GSTA3: variants seen among roughly 807,000 people sequenced by gnomAD.
GSTA3 encodes the protein glutathione S-transferase A3.
GSTA3 carries 16 observed loss-of-function variants against 23.1 expected under a neutral mutation model. That is an observed-to-expected ratio of 0.69 (90% confidence interval 0.47 to 1.05). The LOEUF is 1.05. Among genes scored for constraint, GSTA3 ranks in the 50% least tolerant of loss-of-function variants. The pLI is 0.00. For synonymous variants in GSTA3, 122 were observed against 91.0 expected (o/e 1.34, Z -1.94); for missense variants, 319 against 263.6 (o/e 1.21, Z -1.46).
chr6:52,903,469 C>T (rs1258854942), intron 3 of GSTA3, among the ~76,000 whole-genome samples: 1 of 150,862 alleles, frequency 6.6e-6, no homozygotes, highest in Non-Finnish European at 1.5e-5. Context: ...TGGTGTCTGG[C>T]GCCTGTAGTC....
intron 3 of GSTA3, 58 bp from the exon 4 acceptor site, chr6:52,902,536 G>A: frequency 1.3e-6 from 2 of 1,500,008 alleles, no homozygotes; most frequent in Admixed American, 2.0e-5. Flanking sequence ...ACTATTTCAG[G>A]AAGAAAAATG....
intron 2 of GSTA3, among the ~76,000 whole-genome samples, chr6:52,904,281 C>A (rs1206944503): frequency 6.6e-6 from 1 of 152,112 alleles, no homozygotes. Context: ...TGACCCACTG[C>A]TCCTGGCCTG....
At chr6:52,904,085 C>A (rs1279270709) in intron 2 of GSTA3, among the ~76,000 whole-genome samples, 1 of 152,114 alleles carries the variant, frequency 6.6e-6, no homozygotes, top group Non-Finnish European at 1.5e-5. Flanking sequence ...CTACCAGGCC[C>A]AAGTGACCCT....
At chr6:52,898,425 A>T (rs1765538060) in intron 5 of GSTA3, among the ~76,000 whole-genome samples, 1 of 152,144 alleles carries the variant, frequency 6.6e-6, no homozygotes, top group South Asian at 2.1e-4. Flanking sequence ...CATATGTTCC[A>T]TAGACTCAAC....
intron 4 of GSTA3, 86 bp downstream of exon 4, chr6:52,902,260 T>C (rs1330268022): frequency 6.5e-7 from 1 of 1,533,986 alleles, no homozygotes; most frequent in Non-Finnish European, 8.9e-7. Flanking sequence ...CTGGTCATGA[T>C]GCCCTGTCAT....
Position 52,897,958 on chromosome 6 carries a change from T to C in GSTA3, c.415-2A>G, listed in dbSNP as rs771926920. Reference sequence around the variant, plus strand: ...GTCTTGTCCATGGCTCTGTAACACCTGGAGAATTTGAGGAATCAGATCAGG... The same window carrying C: ...GTCTTGTCCATGGCTCTGTAACACCCGGAGAATTTGAGGAATCAGATCAGG... On this transcript the variant is annotated splice_acceptor_variant, in intron 5 of 6. Coordinates refer to ENST00000211122, the MANE Select transcript of GSTA3 (RefSeq NM_000847.5). LOFTEE classifies it high-confidence loss of function. 1 of 1,613,950 alleles carries C rather than the reference T, an allele frequency of 6.2e-7. No individual in the cohort carries two copies. The highest frequency in any genetic ancestry group is 8.5e-7 in the Non-Finnish European group (1 of 1,179,872).
At chr6:52,906,822 T>G (rs1209715984) in intron 1 of GSTA3, among the ~76,000 whole-genome samples, 1 of 150,956 alleles carries the variant, frequency 6.6e-6, no homozygotes, top group Admixed American at 6.6e-5. Context: ...TCAAGATGGA[T>G]TAAAGACTTA....
At position 52,899,989 on chromosome 6, in the gene GSTA3, T is replaced by G. The variant is rs1470373654; in HGVS notation, c.359A>C (p.Lys120Thr). The G allele has an allele frequency of 1.2e-6, 2 of 1,613,950 alleles. No homozygotes were observed. The highest frequency in any genetic ancestry group is 1.7e-6 in the Non-Finnish European group (2 of 1,179,960). The change falls in exon 5 of 7, where the codon AAG becomes ACG. Residue 120 changes from lysine (K) to threonine (T), a missense_variant. Physicochemically the swap from Lys to Thr is moderately conservative, Grantham distance 78. Coordinates refer to ENST00000211122, the MANE Select transcript of GSTA3 (RefSeq NM_000847.5). Reference protein sequence around the residue: ...PLCRPEEKDAKIALIKEKTKS... With the variant: ...PLCRPEEKDATIALIKEKTKS... ...TGTTTTCTCTTTGATCAAGGCAATCTTGGCATCTTTTTCCTCAGGTCGACA... is the reference window on the plus strand; with the variant it reads ...TGTTTTCTCTTTGATCAAGGCAATCGTGGCATCTTTTTCCTCAGGTCGACA...
At chr6:52,903,441 A>G (rs1404227123) in intron 3 of GSTA3, among the ~76,000 whole-genome samples, 1 of 151,204 alleles carries the variant, frequency 6.6e-6, no homozygotes, top group Non-Finnish European at 1.5e-5. Flanking sequence ...CAAAAAAAAA[A>G]AAAAAACTAG....
intron 5 of GSTA3, 38 bp from the exon 6 acceptor site, chr6:52,897,994 C>T (rs376704092): frequency 4.3e-6 from 7 of 1,612,372 alleles, no homozygotes; most frequent in African/African-American, 4.0e-5. Context: ...AATACATGCG[C>T]ACCCAGGATG....
At position 52,899,924 on chromosome 6, in the gene GSTA3, C is replaced by T. The variant is rs1370519174; in HGVS notation, c.414+10G>A. 1.2e-6 allele frequency: 2 copies of T among 1,613,982 alleles called. No individual in the cohort carries two copies. The highest frequency in any genetic ancestry group is 1.6e-4 in the Middle Eastern group (1 of 6,062). ...CTCAGTGCCCCAAAATGCTGAACAG[C>T]TTCACCTACTTTTTCGAAGGCAGGG... On this transcript the variant is annotated intron_variant, in intron 5 of 6. Transcript: ENST00000211122.
Position 52,903,660 on chromosome 6 carries a change from A to G in GSTA3, c.139+16T>C, listed in dbSNP as rs1290601481. 12 of 1,431,402 alleles carry G rather than the reference A, an allele frequency of 8.4e-6. No individual in the cohort carries two copies. Among genetic ancestry groups the G allele is most frequent in the Non-Finnish European group, 1.2e-5 (12 of 1,015,336 alleles). The allele number at this position is 1,431,402 out of a possible 1,614,324, so 88.7% of individuals were successfully genotyped here. On this transcript the variant is annotated intron_variant, in intron 3 of 6. Coordinates refer to ENST00000211122, the MANE Select transcript of GSTA3 (RefSeq NM_000847.5). ...CTAGATACCCTCATCAGAGGCACTT[A>G]GAGACTTGATCTTACCATTTCTTAA...
At chr6:52,900,118 T>C in intron 4 of GSTA3, 43 bp from the exon 5 acceptor site, 1 of 1,553,118 alleles carries the variant, frequency 6.4e-7, no homozygotes, top group South Asian at 1.2e-5. Context: ...CCTCTTGCCT[T>C]AGATTTTGTA....
chr6:52,903,997 A>AT (rs1561955582), intron 2 of GSTA3, among the ~76,000 whole-genome samples: 2 of 151,652 alleles, frequency 1.3e-5, no homozygotes, highest in African/African-American at 2.4e-5. Flanking sequence ...TTATTTATTT[A>AT]TTTTTTTGAG....
chr6:52,905,651 A>G (rs576208978), intron 2 of GSTA3, 97 bp downstream of exon 2: 32 of 669,728 alleles, frequency 4.8e-5, no homozygotes, highest in Non-Finnish European at 7.2e-5. Flanking sequence ...AGGCCAAAAT[A>G]TTCACAGGTC....
chr6:52,903,802 T>A (rs1765786472), intron 2 of GSTA3, 75 bp from the exon 3 acceptor site: 1 of 812,192 alleles, frequency 1.2e-6, no homozygotes, highest in Non-Finnish European at 2.1e-6. Context: ...TTGAATGGCC[T>A]CCATCTGGTA....
Position 52,902,382 on chromosome 6 carries a change from T to C in GSTA3, c.236A>G (p.Tyr79Cys). The C allele has an allele frequency of 3.1e-6, 5 of 1,614,058 alleles. No homozygotes were observed. The highest frequency in any genetic ancestry group is 4.2e-6 in the Non-Finnish European group (5 of 1,179,920). The change falls in exon 4 of 7, where the codon TAC becomes TGC. Residue 79 changes from tyrosine (Y) to cysteine (C), a missense_variant. Coordinates refer to ENST00000211122, the MANE Select transcript of GSTA3 (RefSeq NM_000847.5). The stretch of plus-strand genomic sequence containing the variant: ...CTTTATGTCTTTCCCGTAGAGGTTG[T>C]ATTTGCTGGCAATGTAGTTGAGAAT... ...RAILNYIASKYNLYGKDIKER... is the reference protein window; with the variant it reads ...RAILNYIASKCNLYGKDIKER...
chr6:52,907,990 A>G (rs1765951162), intron 1 of GSTA3, among the ~76,000 whole-genome samples: 1 of 151,048 alleles, frequency 6.6e-6, no homozygotes, highest in Non-Finnish European at 1.5e-5. Context: ...TAAATAAATA[A>G]ATTAAAAAAA....
At chr6:52,903,594 C>CAAAA in intron 3 of GSTA3, 82 bp downstream of exon 3, 6 of 621,908 alleles carry the variant, frequency 9.6e-6, no homozygotes, top group East Asian at 6.7e-5. Flanking sequence ...GAGACTCCGT[C>CAAAA]AAAAAAAAAA....
Sources: gnomAD v4.1 joint callset for allele counts (sites outside exome capture counted in the v4.1 genomes callset) on GRCh38, gnomAD v4.1.1 for gene constraint, MANE v1.5 for transcripts, NCBI Gene and HGNC (gene_info 2026-07-23, HGNC 2026-07-21) for gene names.